Variants in CADM1 observed in about 807,000 individuals in gnomAD.
CADM1 encodes the protein TSLC-1.
CADM1 carries 15 observed loss-of-function variants against 53.1 expected under a neutral mutation model. That is an observed-to-expected ratio of 0.28 (90% confidence interval 0.19 to 0.44). The LOEUF is 0.44. Among genes scored for constraint, CADM1 ranks in the 20% least tolerant of loss-of-function variants. CADM1 has a pLI of 1.00. For synonymous variants in CADM1, 281 were observed against 243.0 expected (o/e 1.16, Z -1.45); for missense variants, 434 against 611.3 (o/e 0.71, Z 3.06).
chr11:115,335,764 T>A (rs1037265164), intron 1 of CADM1, among the ~76,000 whole-genome samples: 17 of 152,272 alleles, frequency 1.1e-4, no homozygotes, highest in African/African-American at 4.1e-4. Flanking sequence ...CATTTCATTA[T>A]TCAGTATCAA....
At chr11:115,243,282 TA>T (rs1483597025) in intron 1 of CADM1, among the ~76,000 whole-genome samples, 2 of 152,238 alleles carry the variant, frequency 1.3e-5, no homozygotes, top group Non-Finnish European at 2.9e-5. Context: ...AAGGCTAACC[TA>T]AAATCCAGTG....
intron 3 of CADM1, among the ~76,000 whole-genome samples, chr11:115,234,553 T>C (rs1257293164): frequency 6.6e-6 from 1 of 152,144 alleles, no homozygotes; most frequent in Non-Finnish European, 1.5e-5. Context: ...TGACATCATC[T>C]TCAAATTTAA....
intron 1 of CADM1, among the ~76,000 whole-genome samples, chr11:115,278,876 G>A (rs1265538543): frequency 6.6e-6 from 1 of 152,218 alleles, no homozygotes; most frequent in African/African-American, 2.4e-5. Context: ...ATGGTGGTGA[G>A]AGAGGATGGA....
At chr11:115,205,856 T>C (rs1299805342) in intron 8 of CADM1, among the ~76,000 whole-genome samples, 2 of 152,228 alleles carry the variant, frequency 1.3e-5, no homozygotes, top group East Asian at 1.9e-4. Flanking sequence ...AATGGTACTA[T>C]AATGGCTTAA....
At chr11:115,350,351 C>G (rs960702640) in intron 1 of CADM1, among the ~76,000 whole-genome samples, 6 of 152,034 alleles carry the variant, frequency 3.9e-5, no homozygotes, top group African/African-American at 1.5e-4. Flanking sequence ...AAGGGTGATT[C>G]AGGAAGTATG....
chr11:115,193,045 C>G (rs976574150), intron 9 of CADM1, among the ~76,000 whole-genome samples: 1 of 152,178 alleles, frequency 6.6e-6, no homozygotes, highest in Non-Finnish European at 1.5e-5. Context: ...AAAGAATTTA[C>G]TGAAGCACTG....
chr11:115,245,635 A>C (rs947966401), intron 1 of CADM1, among the ~76,000 whole-genome samples: 4 of 152,206 alleles, frequency 2.6e-5, no homozygotes, highest in Non-Finnish European at 4.4e-5. Flanking sequence ...ATTCCTGCTA[A>C]CGTTTCTGAG....
chr11:115,407,873 TAAAAAAAAAAAAAAAAAAAA>T (rs148209064), intron 1 of CADM1, among the ~76,000 whole-genome samples: 3 of 31,746 alleles, frequency 9.5e-5, no homozygotes, highest in South Asian at 2.5e-3. Flanking sequence ...CCCTGTCATT[TAAAAAAAAAAAAAAAAAAAA>T]AAAAAAAAAA....
At chr11:115,256,101 G>C (rs1198687718) in intron 1 of CADM1, among the ~76,000 whole-genome samples, 5 of 152,130 alleles carry the variant, frequency 3.3e-5, no homozygotes, top group Non-Finnish European at 7.4e-5. Context: ...AGCAAATAGA[G>C]AAATAAAGCA....
chr11:115,409,341 C>T (rs1290487484), intron 1 of CADM1, among the ~76,000 whole-genome samples: 2 of 152,098 alleles, frequency 1.3e-5, no homozygotes, highest in East Asian at 1.9e-4. Context: ...TGCCAGGTAG[C>T]GCTAATCCTC....
At chr11:115,446,688 A>T (rs1167264704) in intron 1 of CADM1, among the ~76,000 whole-genome samples, 1 of 152,166 alleles carries the variant, frequency 6.6e-6, no homozygotes, top group Non-Finnish European at 1.5e-5. Context: ...TGAATCTATT[A>T]CTCAAAAGTG....
At chr11:115,465,886 G>T (rs1948890082) in intron 1 of CADM1, among the ~76,000 whole-genome samples, 1 of 152,056 alleles carries the variant, frequency 6.6e-6, no homozygotes. Flanking sequence ...AGCACCACTG[G>T]CTTTAATTCT....
chr11:115,462,478 G>A (rs1024957200), intron 1 of CADM1, among the ~76,000 whole-genome samples: 19 of 152,204 alleles, frequency 1.2e-4, no homozygotes, highest in African/African-American at 4.6e-4. Context: ...ACCGTGACCT[G>A]TGCTCAGTAA....
chr11:115,463,254 T>G (rs1948832480), intron 1 of CADM1, among the ~76,000 whole-genome samples: 1 of 152,184 alleles, frequency 6.6e-6, no homozygotes, highest in African/African-American at 2.4e-5. Flanking sequence ...CTTAGACACC[T>G]CTGACCACAG....
intron 1 of CADM1, among the ~76,000 whole-genome samples, chr11:115,346,886 C>G (rs1945592854): frequency 6.6e-6 from 1 of 151,924 alleles, no homozygotes; most frequent in Non-Finnish European, 1.5e-5. Flanking sequence ...TTCTTTGACC[C>G]AGATCAGACT....
chr11:115,343,719 TA>T (rs11406684), intron 1 of CADM1, among the ~76,000 whole-genome samples: 5,263 of 137,778 alleles, frequency 0.038, 199 homozygotes, highest in African/African-American at 0.098. Flanking sequence ...ATACAGATTG[TA>T]AAAAAAAAAA....
chr11:115,314,848 A>G (rs1042980405), intron 1 of CADM1, among the ~76,000 whole-genome samples: 5 of 152,236 alleles, frequency 3.3e-5, no homozygotes, highest in African/African-American at 1.2e-4. Flanking sequence ...ACAAAAACAA[A>G]TAACTTCTCA....
intron 1 of CADM1, among the ~76,000 whole-genome samples, chr11:115,313,199 C>A (rs190693168): frequency 6.6e-6 from 1 of 152,140 alleles, no homozygotes; most frequent in Non-Finnish European, 1.5e-5. Flanking sequence ...TTTTCCTATA[C>A]AGTGAATGAC....
intron 5 of CADM1, among the ~76,000 whole-genome samples, chr11:115,219,000 GC>G (rs45597337): frequency 0.2 from 30,127 of 152,048 alleles, 3,720 homozygotes; most frequent in South Asian, 0.33. Context: ...GAACTAACAA[GC>G]TATTAATCCC....
Sources: gnomAD v4.1 joint callset for allele counts (sites outside exome capture counted in the v4.1 genomes callset) on GRCh38, gnomAD v4.1.1 for gene constraint, MANE v1.5 for transcripts, NCBI Gene and HGNC (gene_info 2026-07-23, HGNC 2026-07-21) for gene names.